The following TMEM94 variants were observed in gnomAD, a reference collection of about 807,000 sequenced individuals.
The protein encoded by TMEM94 is transmembrane protein 94.
TMEM94 carries 81 observed loss-of-function variants against 158.6 expected under a neutral mutation model. The observed-to-expected ratio is 0.51, with a 90% confidence interval of 0.43 to 0.61. The LOEUF (loss-of-function observed/expected upper bound fraction) is 0.61, where lower values mean the gene tolerates loss of function less well. TMEM94 is among the 20% of genes least tolerant of loss of function. The pLI, the probability that TMEM94 is intolerant of heterozygous loss-of-function variation, is 0.00. For synonymous variants in TMEM94, 751 were observed against 730.7 expected, an observed-to-expected ratio of 1.03 and a Z score of -0.45; for missense variants, 1,435 against 1,762.0, an observed-to-expected ratio of 0.81 and a Z score of 3.32.
At position 75,491,673 on chromosome 17, in the gene TMEM94, GCTC is replaced by G. The variant is rs1394065185; in HGVS notation, c.1387-14_1387-12del. 2.5e-6 allele frequency: 4 copies of G among 1,613,178 alleles called. No homozygotes were observed. The highest frequency in any genetic ancestry group is 1.7e-5 in the Admixed American group (1 of 59,986). ...ATGGGAGCCACTGGTCCTAGCCTGT[GCTC>G]CTCATTCTCTTCAGCCCCATGAACG... On this transcript the variant is annotated splice_polypyrimidine_tract_variant and intron_variant, in intron 13 of 31. Coordinates refer to ENST00000314256, the MANE Select transcript of TMEM94 (RefSeq NM_014738.6). This position sits in a 1 kb window ranked among gnomAD's most constrained non-coding sequence, Gnocchi z 5.1.
chr17:75,499,386 A>T lies in TMEM94; in HGVS notation c.*52A>T. 6.5e-7 allele frequency: 1 copy of T among 1,534,094 alleles called. No individual in the cohort carries two copies. Among genetic ancestry groups the T allele is most frequent in the South Asian group, 1.1e-5 (1 of 89,364 alleles). On this transcript the variant is annotated 3_prime_UTR_variant, in exon 32 of 32. Coordinates refer to ENST00000314256, the MANE Select transcript of TMEM94 (RefSeq NM_014738.6). The stretch of plus-strand genomic sequence containing the variant: ...CCCCCGTCCCTGGGGCTAAAGCCAG[A>T]CCCATTTCTGAACAGGGGAGTTTGT...
chr17:75,458,119 C>T (rs551969509), intron 1 of TMEM94, among the ~76,000 whole-genome samples: 19 of 151,990 alleles, frequency 1.3e-4, no homozygotes, highest in Non-Finnish European at 2.1e-4. Context: ...CTCAGGGCAG[C>T]GAGAGGCAGA....
intron 2 of TMEM94, among the ~76,000 whole-genome samples, chr17:75,479,319 TTTA>T (rs1400710437): frequency 6.6e-6 from 1 of 151,806 alleles, no homozygotes; most frequent in Non-Finnish European, 1.5e-5. Flanking sequence ...TTATTTTTCA[TTTA>T]TTATTATTAT....
rs777995657 is a variant in TMEM94, at chr17:75,471,882, G to T, written c.-24G>T. ...TTCAGGGGTGACCACATTCATCTGG[G>T]CATGCCTGCAGTACTCTTGGCCCAT... On this transcript the variant is annotated 5_prime_UTR_variant, in exon 2 of 32. Transcript: ENST00000314256. 1.6e-5 allele frequency: 26 copies of T among 1,613,646 alleles called. No homozygotes were observed. Among genetic ancestry groups the T allele is most frequent in the African/African-American group, 2.7e-5 (2 of 74,880 alleles).
chr17:75,461,936 T>TGTAA (rs1466075924), intron 1 of TMEM94, among the ~76,000 whole-genome samples: 8 of 145,610 alleles, frequency 5.5e-5, no homozygotes, highest in Non-Finnish European at 1.2e-4. Flanking sequence ...AGAAAAGAAA[T>TGTAA]GTAACCCAAA....
At chr17:75,496,940 C>A in intron 25 of TMEM94, 133 bp downstream of exon 25, 1 of 1,104,340 alleles carries the variant, frequency 9.1e-7, no homozygotes, top group Admixed American at 1.9e-5. Context: ...CTGTGAAGCC[C>A]CTGGGCTTTT....
intron 1 of TMEM94, among the ~76,000 whole-genome samples, chr17:75,459,951 G>C (rs1224797443): frequency 1.3e-5 from 2 of 152,192 alleles, no homozygotes; most frequent in African/African-American, 4.8e-5. Context: ...GGCTGAAACA[G>C]GAATGCTTTT....
At chr17:75,490,561 G>T in intron 10 of TMEM94, 141 bp from the exon 11 acceptor site, 1 of 884,594 alleles carries the variant, frequency 1.1e-6, no homozygotes, top group Non-Finnish European at 1.7e-6. Context: ...GCTTCCACCA[G>T]GTGGGGAGTC....
At chr17:75,467,384 G>C (rs1467793940) in intron 1 of TMEM94, among the ~76,000 whole-genome samples, 6 of 101,722 alleles carry the variant, frequency 5.9e-5, no homozygotes, top group African/African-American at 1.6e-4. Flanking sequence ...ATATCCTGCA[G>C]CTTTGCACCT....
intron 1 of TMEM94, among the ~76,000 whole-genome samples, chr17:75,461,987 GT>G (rs1168406783): frequency 3.4e-5 from 4 of 116,762 alleles, no homozygotes; most frequent in Non-Finnish European, 3.7e-5. Flanking sequence ...AAATTTTACA[GT>G]TTTTTTTGTT....
In TMEM94 at chr17:75,498,009, A is replaced by AAG. The variant is rs1270633089; in HGVS notation, c.3489+150_3489+151dup. 1 of 1,172,718 alleles carries AAG rather than the reference A, an allele frequency of 8.5e-7. No homozygotes were observed. Among genetic ancestry groups the AAG allele is most frequent in the African/African-American group, 1.5e-5 (1 of 65,804 alleles). 72.6% of individuals were successfully genotyped at this position (1,172,718 alleles called of 1,614,324 possible). On this transcript the variant is annotated intron_variant, in intron 27 of 31. Transcript: ENST00000314256. The surrounding 1 kb of genome is among the most constrained non-coding windows in gnomAD (Gnocchi z 6.7). ...TGGTTCCTAGTCTTCCCCCAGATCA[A>AAG]AGAGGAGGTAGTGGCACAGAGCTGG...
intron 2 of TMEM94, among the ~76,000 whole-genome samples, chr17:75,483,707 C>T (rs1244028033): frequency 6.6e-6 from 1 of 152,086 alleles, no homozygotes; most frequent in African/African-American, 2.4e-5. Context: ...TCAAGTAGTG[C>T]ACCCATCTCA....
chr17:75,476,572 T>G, intron 2 of TMEM94: 15 of 1,480,576 alleles, frequency 1.0e-5, no homozygotes, highest in Non-Finnish European at 1.3e-5. Context: ...GCTCACACAC[T>G]CTCAGCTGTC....
In TMEM94 at chr17:75,486,356, C is replaced by T. The variant is rs768272030; in HGVS notation, c.339C>T (p.Ile113=). ...FLLLLLNLVL[I]GRQDRLKRRE... is the part of the protein sequence containing the mutation. ...TACTGCTTCTCAACCTTGTGCTCAT[C>T]GGGCGGCAAGACCGGCTGAAGCGTC... is the stretch of plus-strand genomic sequence containing the variant. Residue 113 remains isoleucine, a synonymous_variant, in exon 5 of 32, where the codon ATC becomes ATT. Transcript: ENST00000314256. 4.3e-5 allele frequency: 70 copies of T among 1,614,072 alleles called. No individual in the cohort carries two copies. Among genetic ancestry groups the T allele is most frequent in the Middle Eastern group, 3.3e-4 (2 of 6,084 alleles).
At position 75,487,888 on chromosome 17, in the gene TMEM94, G is replaced by A. The variant is rs1474843265; in HGVS notation, c.410-44G>A. 6.5e-7 allele frequency: 1 copy of A among 1,542,970 alleles called. No individual in the cohort carries two copies. Among genetic ancestry groups the A allele is most frequent in the East Asian group, 2.3e-5 (1 of 44,360 alleles). On this transcript the variant is annotated intron_variant, in intron 5 of 31. Coordinates refer to ENST00000314256, the MANE Select transcript of TMEM94 (RefSeq NM_014738.6). This position sits in a 1 kb window ranked among gnomAD's most constrained non-coding sequence, Gnocchi z 4.6. Reference sequence around the variant, plus strand: ...GCTGCTGTATCTGACTGGGGGGCAGGGCCGTGGCTGAGAGGGTTGTTTCCC... The same window carrying A: ...GCTGCTGTATCTGACTGGGGGGCAGAGCCGTGGCTGAGAGGGTTGTTTCCC...
intron 2 of TMEM94, among the ~76,000 whole-genome samples, chr17:75,483,806 T>C (rs1399767523): frequency 6.6e-6 from 1 of 152,180 alleles, no homozygotes; most frequent in Non-Finnish European, 1.5e-5. Context: ...GTGAAGCAGC[T>C]GTAGGCCCGT....
At chr17:75,459,067 A>C (rs553858426) in intron 1 of TMEM94, among the ~76,000 whole-genome samples, 2 of 152,062 alleles carry the variant, frequency 1.3e-5, no homozygotes, top group African/African-American at 2.4e-5. Context: ...AAAAAAAAAA[A>C]AACAAAAAAA....
In TMEM94 at chr17:75,491,156, G is replaced by A. The variant is rs976706697; in HGVS notation, c.1233+3G>A. ...TGCACAGCCTGGGCTCTGTCACGGT[G>A]AGGGTGGGCCTTGCGGGGAGGAGGC... On this transcript the variant is annotated splice_donor_region_variant and intron_variant, in intron 12 of 31. Transcript: ENST00000314256. The surrounding 1 kb of genome is among the most constrained non-coding windows in gnomAD (Gnocchi z 5.1). 6.2e-7 allele frequency: 1 copy of A among 1,607,480 alleles called. No homozygotes were observed. The highest frequency in any genetic ancestry group is 1.7e-5 in the Admixed American group (1 of 59,596).
chr17:75,491,011 G>T lies in TMEM94; in HGVS notation c.1129-38G>T. ...GCCGTCTCCAGGGAAATGAGGCTGAGCCCTAAATGGCCTTGCAGACTTCCT... is the reference window on the plus strand; with the variant it reads ...GCCGTCTCCAGGGAAATGAGGCTGATCCCTAAATGGCCTTGCAGACTTCCT... On this transcript the variant is annotated intron_variant, in intron 11 of 31. Coordinates refer to ENST00000314256, the MANE Select transcript of TMEM94 (RefSeq NM_014738.6). This position sits in a 1 kb window ranked among gnomAD's most constrained non-coding sequence, Gnocchi z 5.1. The T allele has an allele frequency of 1.3e-6, 2 of 1,494,306 alleles. No individual in the cohort carries two copies. The highest frequency in any genetic ancestry group is 2.4e-5 in the South Asian group (2 of 82,584). The allele number at this position is 1,494,306 out of a possible 1,614,324, so 92.6% of individuals were successfully genotyped here. A position where few individuals can be genotyped will look rare whatever the true frequency, so the allele number is the denominator to read the frequency against.
Sources: allele counts gnomAD v4.1 joint callset (sites outside exome capture counted in the v4.1 genomes callset), GRCh38; gene constraint gnomAD v4.1.1; non-coding constraint Gnocchi (gnomAD v3.1); transcripts MANE v1.5; gene names NCBI Gene and HGNC (gene_info 2026-07-23, HGNC 2026-07-21).